The following NID2 variants were observed in gnomAD, a reference collection of about 807,000 sequenced individuals.
The protein encoded by NID2 is nidogen 2.
A neutral mutation model predicts 145.4 loss-of-function variants in NID2; 83 were observed. That is an observed-to-expected ratio of 0.57 (90% CI 0.48 to 0.69). The LOEUF (loss-of-function observed/expected upper bound fraction) is 0.69, where lower values mean the gene tolerates loss of function less well. Among genes scored for constraint, NID2 ranks in the 30% least tolerant of loss-of-function variants. NID2 has a pLI of 0.00. For missense variants in NID2, 1,807 were observed against 1,765.7 expected (o/e 1.02, Z -0.42); for synonymous variants, 739 against 701.3 (o/e 1.05, Z -0.85).
chr14:52,052,572 G>C (rs554778655), intron 5 of NID2, among the ~76,000 whole-genome samples: 22 of 152,316 alleles, frequency 1.4e-4, no homozygotes, highest in Non-Finnish European at 2.8e-4. Context: ...TGCCACATTA[G>C]TCAGAAAATA....
rs1892751676 is a variant in NID2, at chr14:52,053,682, T to C, written c.1326A>G (p.Glu442=). The C allele has an allele frequency of 6.2e-7, 1 of 1,614,142 alleles. No homozygotes were observed. Among genetic ancestry groups the C allele is most frequent in the Non-Finnish European group, 8.5e-7 (1 of 1,180,054 alleles). Residue 442 remains glutamate, a synonymous_variant, in exon 5 of 22, where the codon GAA becomes GAG. Coordinates refer to ENST00000216286, the MANE Select transcript of NID2 (RefSeq NM_007361.4). The stretch of plus-strand genomic sequence containing the variant: ...CAGGGTAACTTCGAAGAACAATTTC[T>C]TCTTCAGGATGAGCTGGGGGAACAT... ...EMDVPPAHPE[E]EIVLRSYPAS...
intron 10 of NID2, 85 bp downstream of exon 10, chr14:52,029,462 T>C (rs1166743566): frequency 3.1e-6 from 4 of 1,308,128 alleles, no homozygotes; most frequent in Admixed American, 4.0e-5. Context: ...AGGTGACAGA[T>C]ACTTGTCTTC....
At chr14:52,037,811 A>T (rs1267351685) in intron 9 of NID2, among the ~76,000 whole-genome samples, 1 of 152,236 alleles carries the variant, frequency 6.6e-6, no homozygotes, top group Non-Finnish European at 1.5e-5. Flanking sequence ...ACTGGGTCTT[A>T]AATTTTTTTC....
Position 52,020,153 on chromosome 14 carries a change from T to C in NID2, c.2700A>G (p.Arg900=). ...TGTAGCAGGTAGCTGCAGGGTGACA[T>C]CTGTTTTCTGAGCATTCATCTACAT... is the stretch of plus-strand genomic sequence containing the variant. The part of the protein sequence containing the change: ...CTDVDECSEN[R]CHPAATCYNT... The change falls in exon 13 of 22, where the codon AGA becomes AGG. Residue 900 remains arginine (R), a synonymous_variant. Coordinates refer to ENST00000216286, the MANE Select transcript of NID2 (RefSeq NM_007361.4). 2 of 1,613,986 alleles carry C rather than the reference T, an allele frequency of 1.2e-6. No homozygotes were observed. The highest frequency in any genetic ancestry group is 2.2e-5 in the East Asian group (1 of 44,882).
In NID2 at chr14:52,054,274, C is replaced by T. The variant is rs757677132; in HGVS notation, c.815G>A (p.Ser272Asn). ...CCTGACATTGTCCAACGGGGAAGTG[C>T]TGCCGATATGGAAAGCCCACACTCC... ...IPGVWAFHIGSTSPLDNVRPA... is the reference protein window; with the variant it reads ...IPGVWAFHIGNTSPLDNVRPA... The change falls in exon 4 of 22, where the codon AGC (serine) becomes AAC (asparagine). Residue 272 changes from serine to asparagine, a missense_variant. Transcript: ENST00000216286. 5.0e-6 allele frequency: 8 copies of T among 1,614,154 alleles called. No individual in the cohort carries two copies. In the East Asian group the frequency reaches 1.8e-4, roughly 36 times the overall value.
At chr14:52,030,568 G>C (rs1418866292) in intron 9 of NID2, among the ~76,000 whole-genome samples, 822 of 37,688 alleles carry the variant, frequency 0.022, 49 homozygotes, top group Admixed American at 0.049. Context: ...AAGAAAGAAA[G>C]GAAGGAAGGG....
At chr14:52,014,665 A>G (rs1891152909) in intron 15 of NID2, among the ~76,000 whole-genome samples, 1 of 152,098 alleles carries the variant, frequency 6.6e-6, no homozygotes, top group Non-Finnish European at 1.5e-5. Flanking sequence ...TTACTAGGGA[A>G]GAAGACAGCA....
In NID2 at chr14:52,011,579, T is replaced by C. The variant is rs759245423; in HGVS notation, c.3525A>G (p.Ala1175=). The change falls in exon 17 of 22, where the codon GCA becomes GCG. Residue 1175 remains alanine (A), a synonymous_variant. Coordinates refer to ENST00000216286, the MANE Select transcript of NID2 (RefSeq NM_007361.4). The stretch of plus-strand genomic sequence containing the variant: ...CTGAATTCACGATCGTCTCAGGCTC[T>C]GCTCCCAGTTCCAGACCAGCACGGC... ...TISRAGLELG[A]EPETIVNSGL... The C allele has an allele frequency of 6.2e-7, 1 of 1,614,232 alleles. No homozygotes were observed. The highest frequency in any genetic ancestry group is 8.5e-7 in the Non-Finnish European group (1 of 1,180,038).
intron 18 of NID2, 48 bp from the exon 19 acceptor site, chr14:52,008,015 G>A (rs1239763006): frequency 5.3e-6 from 8 of 1,507,212 alleles, no homozygotes; most frequent in African/African-American, 1.4e-5. Flanking sequence ...TGTAGCCTGT[G>A]GTAGGCAGCA....
chr14:52,045,394 G>C (rs1892451226), intron 5 of NID2, among the ~76,000 whole-genome samples: 2 of 152,104 alleles, frequency 1.3e-5, no homozygotes, highest in African/African-American at 4.8e-5. Context: ...GAACATAGTA[G>C]GAATGAAGTT....
intron 13 of NID2, among the ~76,000 whole-genome samples, chr14:52,019,664 T>C (rs1891332155): frequency 6.6e-6 from 1 of 150,888 alleles, no homozygotes; most frequent in South Asian, 2.1e-4. Flanking sequence ...CACTCACCAC[T>C]CACGAGACTG....
intron 5 of NID2, among the ~76,000 whole-genome samples, chr14:52,044,396 A>C (rs1164624779): frequency 8.5e-6 from 1 of 118,154 alleles, no homozygotes; most frequent in Non-Finnish European, 1.9e-5. Context: ...CAGCCTCCTG[A>C]GTAGCTGGGA....
In NID2 at chr14:52,010,903, C is replaced by G. The variant is rs779100862; in HGVS notation, c.3695G>C (p.Arg1232Pro). ...VLFYTDLVNP[R>P]AIAVDPIRGN... Reference sequence around the variant, plus strand: ...TCGGATTGGATCCACAGCGATGGCACGGGGATTCACCAGATCTGTGTAGAA... The same window carrying G: ...TCGGATTGGATCCACAGCGATGGCAGGGGGATTCACCAGATCTGTGTAGAA... The change falls in exon 18 of 22, where the codon CGT becomes CCT. Residue 1232 changes from arginine to proline, a missense_variant. Physicochemically the swap from Arg to Pro is moderately radical, Grantham distance 103. Coordinates refer to ENST00000216286, the MANE Select transcript of NID2 (RefSeq NM_007361.4). 2 of 1,613,576 alleles carry G rather than the reference C, an allele frequency of 1.2e-6. No individual in the cohort carries two copies. The highest frequency in any genetic ancestry group is 1.7e-6 in the Non-Finnish European group (2 of 1,180,002).
chr14:52,030,471 C>G (rs553729988), intron 9 of NID2, among the ~76,000 whole-genome samples: 3 of 23,012 alleles, frequency 1.3e-4, no homozygotes, highest in South Asian at 2.7e-3. Context: ...GACCTTATCT[C>G]GAGAGAAAGA....
At position 52,006,572 on chromosome 14, in the gene NID2, GC is replaced by G; in HGVS notation, c.3968del (p.Ser1323ThrfsTer19). 5.6e-6 allele frequency: 9 copies of G among 1,613,846 alleles called. No homozygotes were observed. Among genetic ancestry groups the G allele is most frequent in the Non-Finnish European group, 7.6e-6 (9 of 1,179,770 alleles). ...CTGTGTGGTAGAAGTGATCTGCATA[GC>G]TTACGATGCTGAAGGGGTACTTGAG... is the stretch of plus-strand genomic sequence containing the variant. ...NNLKYPFSIVSYADHFYHTDW... is the reference protein window; with the variant it reads ...NNLKYPFSIVXYADHFYHTDW... On this transcript the variant is annotated frameshift_variant, in exon 20 of 22. Coordinates refer to ENST00000216286, the MANE Select transcript of NID2 (RefSeq NM_007361.4). LOFTEE classifies it high-confidence loss of function.
intron 18 of NID2, chr14:52,010,029 C>T (rs1890948659): frequency 6.6e-6 from 1 of 152,046 alleles, no homozygotes; most frequent in South Asian, 2.1e-4. Flanking sequence ...TCCAAATGTC[C>T]AAATGTCAGA....
At chr14:52,047,521 G>C (rs922843288) in intron 5 of NID2, among the ~76,000 whole-genome samples, 1 of 152,134 alleles carries the variant, frequency 6.6e-6, no homozygotes, top group South Asian at 2.1e-4. Flanking sequence ...AGCACTAGAG[G>C]GTTTCGAGCA....
intron 16 of NID2, chr14:52,011,924 T>C (rs1891044998): frequency 2.2e-6 from 1 of 462,108 alleles, no homozygotes; most frequent in South Asian, 2.8e-5. Context: ...ATGAGGCCAA[T>C]AGTGTACCTG....
chr14:52,065,896 G>C (rs990701907), intron 2 of NID2, among the ~76,000 whole-genome samples: 1 of 143,342 alleles, frequency 7.0e-6, no homozygotes, highest in African/African-American at 2.7e-5. Context: ...TCTTAATCCA[G>C]TCTATCATTG....
Sources: allele counts gnomAD v4.1 joint callset (sites outside exome capture counted in the v4.1 genomes callset), GRCh38; gene constraint gnomAD v4.1.1; transcripts MANE v1.5; gene names NCBI Gene and HGNC (gene_info 2026-07-23, HGNC 2026-07-21).